Variants in SUMF1 observed in about 807,000 individuals in gnomAD.
SUMF1 encodes formylglycine-generating enzyme.
A neutral mutation model predicts 47.6 loss-of-function variants in SUMF1; 48 were observed. The observed-to-expected ratio is 1.01, with a 90% CI of 0.80 to 1.28. The LOEUF (loss-of-function observed/expected upper bound fraction) is 1.28. SUMF1 is among the 50% of genes most tolerant of loss of function. SUMF1 has a pLI of 0.00. For missense variants in SUMF1, 571 were observed against 485.4 expected (o/e 1.18, Z -1.66); for synonymous variants, 230 against 192.1 (o/e 1.20, Z -1.63).
chr3:4,352,944 C>T (rs1403477518), intron 8 of SUMF1, among the ~76,000 whole-genome samples: 2 of 152,190 alleles, frequency 1.3e-5, no homozygotes, highest in East Asian at 1.9e-4. Flanking sequence ...GAAAGGCTGT[C>T]ATTTTCTCCC....
chr3:4,128,556 T>C (rs868232562), intron 8 of SUMF1, among the ~76,000 whole-genome samples: 1 of 151,948 alleles, frequency 6.6e-6, no homozygotes, highest in Admixed American at 6.6e-5. Context: ...TAATGTACAT[T>C]CTCCTCAGGA....
chr3:4,068,071 G>A (rs1052951701), intron 9 of SUMF1, among the ~76,000 whole-genome samples: 2 of 152,156 alleles, frequency 1.3e-5, no homozygotes, highest in Non-Finnish European at 2.9e-5. Flanking sequence ...ACCACATGGA[G>A]GAAGAGAAAG....
chr3:4,316,498 T>A (rs772683701), intron 8 of SUMF1: 6 of 1,599,760 alleles, frequency 3.8e-6, no homozygotes, highest in Admixed American at 1.7e-5. Context: ...GCTGAAGAAC[T>A]CAATGTCAAC....
intron 9 of SUMF1, among the ~76,000 whole-genome samples, chr3:4,060,525 C>A (rs905715491): frequency 1.3e-5 from 2 of 152,160 alleles, no homozygotes; most frequent in African/African-American, 2.4e-5. Flanking sequence ...ACTAAATATT[C>A]TGTAACACCC....
intron 8 of SUMF1, among the ~76,000 whole-genome samples, chr3:4,127,265 A>C (rs935121707): frequency 3.3e-5 from 5 of 152,164 alleles, no homozygotes; most frequent in African/African-American, 1.2e-4. Context: ...TACAAAGCAA[A>C]TTGTATTCCC....
At position 4,353,449 on chromosome 3, in the gene SUMF1, T is replaced by C. The variant is rs1699549934; in HGVS notation, c.1014+22881A>G. Among the ~76,000 whole-genome samples, 3 of 152,140 alleles carry C rather than the reference T, an allele frequency of 2.0e-5. No homozygotes were observed. In the South Asian group the frequency reaches 6.2e-4, roughly 32 times the overall value. ...TTGTATTTTTAGTAGAGACGGGGTT[T>C]CACCGTGTTAGCCAGGATGGTCTCG... is the stretch of plus-strand genomic sequence containing the variant. On this transcript the variant is annotated intron_variant and NMD_transcript_variant, in intron 8 of 12. Transcript: ENST00000448413.
chr3:4,132,727 C>A (rs766141330), intron 8 of SUMF1, among the ~76,000 whole-genome samples: 22 of 152,056 alleles, frequency 1.4e-4, no homozygotes, highest in Non-Finnish European at 2.8e-4. Flanking sequence ...CTCCTCCGAC[C>A]TTTAAGTCAA....
chr3:4,290,890 T>C (rs1195910910), intron 8 of SUMF1, among the ~76,000 whole-genome samples: 1 of 152,052 alleles, frequency 6.6e-6, no homozygotes, highest in African/African-American at 2.4e-5. Context: ...AAATTAGCCA[T>C]GGTAGGTGCA....
intron 8 of SUMF1, among the ~76,000 whole-genome samples, chr3:4,265,660 T>A (rs1453538879): frequency 6.6e-6 from 1 of 152,162 alleles, no homozygotes; most frequent in Admixed American, 6.5e-5. Flanking sequence ...TTGCGAAAAT[T>A]TTCTCCCATT....
chr3:4,318,245 T>C (rs1234846899), intron 8 of SUMF1, among the ~76,000 whole-genome samples: 4 of 151,984 alleles, frequency 2.6e-5, no homozygotes, highest in Non-Finnish European at 5.9e-5. Flanking sequence ...AAAAGAATTA[T>C]ACACTGTGAT....
intron 7 of SUMF1, among the ~76,000 whole-genome samples, chr3:4,389,418 A>G (rs978433317): frequency 7.3e-5 from 11 of 150,720 alleles, no homozygotes; most frequent in Non-Finnish European, 1.0e-4. Context: ...AAGTTTAATT[A>G]TAACGGTGTC....
intron 8 of SUMF1, among the ~76,000 whole-genome samples, chr3:4,114,712 T>G (rs1391484910): frequency 2.0e-5 from 3 of 152,182 alleles, no homozygotes; most frequent in Non-Finnish European, 1.5e-5. Flanking sequence ...GTTTAGCTTC[T>G]TCCCTAACAT....
chr3:4,162,918 G>A (rs1359268404), intron 8 of SUMF1, among the ~76,000 whole-genome samples: 3 of 146,774 alleles, frequency 2.0e-5, no homozygotes, highest in Non-Finnish European at 3.0e-5. Context: ...AAAAAAAAAG[G>A]TTTTGAAAGT....
chr3:4,278,115 T>C (rs1240788383), intron 8 of SUMF1, among the ~76,000 whole-genome samples: 1 of 152,012 alleles, frequency 6.6e-6, no homozygotes, highest in Non-Finnish European at 1.5e-5. Flanking sequence ...TTTTGGCACG[T>C]TTATTTTCTT....
At chr3:4,220,335 T>G (rs1696033171) in intron 8 of SUMF1, among the ~76,000 whole-genome samples, 1 of 152,142 alleles carries the variant, frequency 6.6e-6, no homozygotes, top group African/African-American at 2.4e-5. Context: ...TTCATTTAGA[T>G]CAGAAGAAAA....
chr3:4,456,945 C>T (rs62231420), intron 1 of SUMF1, among the ~76,000 whole-genome samples: 12,164 of 53,546 alleles, frequency 0.23, 1,682 homozygotes, highest in African/African-American at 0.28. Context: ...CGTGTGTGTA[C>T]ATATATACGT....
At chr3:4,437,924 G>A (rs763361467) in intron 3 of SUMF1, among the ~76,000 whole-genome samples, 3 of 151,890 alleles carry the variant, frequency 2.0e-5, no homozygotes, top group Non-Finnish European at 4.4e-5. Flanking sequence ...GGGCAACAGG[G>A]CAAGACTGTC....
intron 1 of SUMF1, among the ~76,000 whole-genome samples, chr3:4,464,963 G>A (rs1276852866): frequency 6.6e-6 from 1 of 152,184 alleles, no homozygotes; most frequent in East Asian, 1.9e-4. Context: ...ACTCTATAGG[G>A]ATGAAAAATG....
rs138102531 is a variant in SUMF1, at chr3:4,171,884, G to T, written c.1015-103139C>A. Among the ~76,000 whole-genome samples, 13 of 152,124 alleles carry T rather than the reference G, an allele frequency of 8.5e-5. No homozygotes were observed. The East Asian group carries it at 2.3e-3, about 27-fold the overall frequency. Reference sequence around the variant, plus strand: ...TACCAGAAGGTGTAGAGAGGAATGAGACAGTAGTCCAACCACGATATCCTT... The same window carrying T: ...TACCAGAAGGTGTAGAGAGGAATGATACAGTAGTCCAACCACGATATCCTT... On this transcript the variant is annotated intron_variant and NMD_transcript_variant, in intron 8 of 12. Coordinates refer to the SUMF1 transcript ENST00000448413.
Sources: gnomAD v4.1 joint callset for allele counts (sites outside exome capture counted in the v4.1 genomes callset) on GRCh38, gnomAD v4.1.1 for gene constraint, MANE v1.5 for transcripts, NCBI Gene and HGNC (gene_info 2026-07-23, HGNC 2026-07-21) for gene names.